The following MON2 variants were observed in gnomAD, a reference collection of about 807,000 sequenced individuals.
MON2 encodes the protein MON2 regulator of endosome-to-Golgi trafficking, also known as protein MON2 homolog.
In MON2, 84 loss-of-function variants were observed where a neutral mutation model predicts 208.6. The observed-to-expected ratio is 0.40, with a 90% CI of 0.34 to 0.48. The LOEUF (loss-of-function observed/expected upper bound fraction) is 0.48. Ranked by LOEUF, MON2 falls within the 20% of genes least tolerant of loss-of-function variation. MON2 has a pLI of 0.59. For missense variants in MON2, 1,611 were observed against 2,015.4 expected (o/e 0.80, Z 3.84); for synonymous variants, 660 against 694.0 (o/e 0.95, Z 0.77).
At chr12:62,560,300 T>C (rs1213829393) in intron 25 of MON2, 191 bp from the exon 26 acceptor site, 4 of 533,984 alleles carry the variant, frequency 7.5e-6, no homozygotes, top group African/African-American at 5.9e-5. Context: ...TCTGAAAAAT[T>C]TTTTTACTGA....
At position 62,467,140 on chromosome 12, in the gene MON2, C is replaced by A; in HGVS notation, c.-68C>A. 1 of 1,321,456 alleles carries A rather than the reference C, an allele frequency of 7.6e-7. No homozygotes were observed. The highest frequency in any genetic ancestry group is 1.2e-5 in the South Asian group (1 of 82,436). 81.9% of individuals were successfully genotyped at this position (1,321,456 alleles called of 1,614,324 possible). A position where few individuals can be genotyped will look rare whatever the true frequency, so the allele number is the denominator to read the frequency against. ...GACACCGGGAGGGAGCTGCCTGTGG[C>A]CCTAAGGAGCTGACCGTGCCAGAGC... is the stretch of plus-strand genomic sequence containing the variant. On this transcript the variant is annotated 5_prime_UTR_variant, in exon 1 of 35. Coordinates refer to ENST00000393630, the MANE Select transcript of MON2 (RefSeq NM_015026.3).
In MON2 at chr12:62,538,101, T is replaced by G; in HGVS notation, c.2124T>G (p.Leu708=). The G allele has an allele frequency of 6.2e-7, 1 of 1,613,308 alleles. No homozygotes were observed. Among genetic ancestry groups the G allele is most frequent in the Non-Finnish European group, 8.5e-7 (1 of 1,179,484 alleles). ...WQLVLATLQH[L]VWILGLKPSS... ...ATTTTTTTTTAATTTTACAGCATCT[T>G]GTGTGGATTCTGGGATTAAAGCCTA... The change falls in exon 17 of 35, where the codon CTT becomes CTG. Residue 708 remains leucine (L), a synonymous_variant. Coordinates refer to ENST00000393630, the MANE Select transcript of MON2 (RefSeq NM_015026.3).
chr12:62,539,779 G>A (rs1002768246), intron 19 of MON2, among the ~76,000 whole-genome samples: 1 of 151,976 alleles, frequency 6.6e-6, no homozygotes, highest in Non-Finnish European at 1.5e-5. Context: ...CACTGCAGGA[G>A]GCCGAGGCAG....
chr12:62,562,033 C>A (rs932826879), intron 26 of MON2, among the ~76,000 whole-genome samples: 7 of 152,084 alleles, frequency 4.6e-5, no homozygotes, highest in African/African-American at 1.4e-4. Context: ...AAAAAAGAAT[C>A]TGGCATTTAA....
chr12:62,471,837 T>C (rs1486418702), intron 1 of MON2, among the ~76,000 whole-genome samples: 1 of 152,198 alleles, frequency 6.6e-6, no homozygotes, highest in Non-Finnish European at 1.5e-5. Context: ...GATTTCAATC[T>C]GAGAAAGGAC....
At chr12:62,486,943 T>C (rs2069833908) in intron 2 of MON2, among the ~76,000 whole-genome samples, 1 of 152,140 alleles carries the variant, frequency 6.6e-6, no homozygotes, top group East Asian at 1.9e-4. Flanking sequence ...ATACTCGGCA[T>C]AGATTTCTAG....
At position 62,467,006 on chromosome 12, in the gene MON2, G is replaced by A. The variant is rs1015647992; in HGVS notation, c.-202G>A. The stretch of plus-strand genomic sequence containing the variant: ...TAGCGGGACGGTGCGACTGCGGGGG[G>A]CGCCTCCGAGAAAAGCCAGAGGTGT... On this transcript the variant is annotated 5_prime_UTR_variant, in exon 1 of 35. Coordinates refer to ENST00000393630, the MANE Select transcript of MON2 (RefSeq NM_015026.3). The A allele has an allele frequency of 5.7e-6, 3 of 522,796 alleles. No homozygotes were observed. Among genetic ancestry groups the A allele is most frequent in the Non-Finnish European group, 6.8e-6 (2 of 294,666 alleles). The allele number at this position is 522,796 out of a possible 1,614,324, so 32.4% of individuals were successfully genotyped here. A position where few individuals can be genotyped will look rare whatever the true frequency, so the allele number is the denominator to read the frequency against.
In MON2 at chr12:62,501,651, G is replaced by T. The variant is rs770967560; in HGVS notation, c.742G>T (p.Glu248Ter). ...AGAAATGACTCGGACGTTTGGCCTC[G>T]AATTACTTGAGTCAGTCCTCAATGA... is the stretch of plus-strand genomic sequence containing the variant. ...MTEMTRTFGL[E>*]LLESVLNDFP... The change falls in exon 7 of 35, where the codon GAA becomes TAA. Residue 248 changes from glutamate (E) to a stop codon, truncating the protein, a stop_gained. Coordinates refer to ENST00000393630, the MANE Select transcript of MON2 (RefSeq NM_015026.3). LOFTEE classifies it high-confidence loss of function. 1 of 1,614,134 alleles carries T rather than the reference G, an allele frequency of 6.2e-7. No individual in the cohort carries two copies. The highest frequency in any genetic ancestry group is 8.5e-7 in the Non-Finnish European group (1 of 1,180,002).
At position 62,585,455 on chromosome 12, in the gene MON2, C is replaced by T. The variant is rs375029048; in HGVS notation, c.4861C>T (p.Arg1621Cys). The T allele has an allele frequency of 2.9e-5, 46 of 1,613,098 alleles. No homozygotes were observed. The highest frequency in any genetic ancestry group is 3.3e-5 in the Non-Finnish European group (39 of 1,179,310). ...LLKRSQDVLH[R>C]YIEDERLSGK... ...AAAGAGGTCCCAAGATGTACTACAT[C>T]GCTATATAGAGGATGAAAGATTAAG... The change falls in exon 33 of 35, where the codon CGC becomes TGC. Residue 1621 changes from arginine (R) to cysteine (C), a missense_variant. Coordinates refer to ENST00000393630, the MANE Select transcript of MON2 (RefSeq NM_015026.3).
At chr12:62,516,469 C>A (rs1399636870) in intron 8 of MON2, among the ~76,000 whole-genome samples, 1 of 152,074 alleles carries the variant, frequency 6.6e-6, no homozygotes, top group Non-Finnish European at 1.5e-5. Context: ...CTTTGGGAGG[C>A]CAAGGCGGCC....
At chr12:62,533,854 A>G (rs2072778071) in intron 12 of MON2, among the ~76,000 whole-genome samples, 1 of 152,156 alleles carries the variant, frequency 6.6e-6, no homozygotes, top group Admixed American at 6.5e-5. Flanking sequence ...ATGACATCAC[A>G]CTAGTTTCTT....
chr12:62,538,063 G>T lies in MON2; in HGVS notation c.2119-33G>T, dbSNP rs748532248. 2.6e-6 allele frequency: 4 copies of T among 1,549,084 alleles called. No homozygotes were observed. In the African/African-American group the frequency reaches 6.1e-5, roughly 24 times the overall value. ...ATTGGACCTTTTATACTTTTGTAAA[G>T]TTATTTGTTTTGATTTTTTTTTAAT... On this transcript the variant is annotated intron_variant, in intron 16 of 34. Coordinates refer to ENST00000393630, the MANE Select transcript of MON2 (RefSeq NM_015026.3).
intron 14 of MON2, among the ~76,000 whole-genome samples, chr12:62,536,693 TG>T (rs1565658956): frequency 6.6e-6 from 1 of 150,586 alleles, no homozygotes; most frequent in Admixed American, 6.6e-5. Flanking sequence ...TGTGTTTTTT[TG>T]TTTTTTTTTT....
chr12:62,560,176 A>G (rs1214021371), intron 25 of MON2: 1 of 209,360 alleles, frequency 4.8e-6, no homozygotes, highest in Non-Finnish European at 9.5e-6. Flanking sequence ...TGAATTGTAT[A>G]GTGGTGAAGT....
At chr12:62,585,570 T>A in intron 33 of MON2, 69 bp downstream of exon 33, 2 of 1,275,124 alleles carry the variant, frequency 1.6e-6, no homozygotes, top group Non-Finnish European at 2.1e-6. Flanking sequence ...AGGAAAACTC[T>A]GAAAAGCAAG....
intron 5 of MON2, 72 bp from the exon 6 acceptor site, chr12:62,500,711 T>C: frequency 1.5e-6 from 1 of 687,866 alleles, no homozygotes; most frequent in Non-Finnish European, 2.4e-6. Flanking sequence ...TTAAACATTA[T>C]CTTTTAAACA....
Position 62,535,578 on chromosome 12 carries a change from C to T in MON2, c.1769C>T (p.Ala590Val). The T allele has an allele frequency of 6.2e-7, 1 of 1,613,596 alleles. No individual in the cohort carries two copies. The highest frequency in any genetic ancestry group is 1.7e-5 in the Admixed American group (1 of 59,922). The stretch of plus-strand genomic sequence containing the variant: ...TTAAAAGCTGAACTGACTATGGCTG[C>T]TCTTTGTGGAAGACTGGGCCTTGTA... ...NILKAELTMA[A>V]LCGRLGLVTS... Residue 590 changes from alanine (A) to valine (V), a missense_variant, in exon 14 of 35, where the codon GCT (alanine) becomes GTT (valine). Coordinates refer to ENST00000393630, the MANE Select transcript of MON2 (RefSeq NM_015026.3).
chr12:62,597,583 A>G lies in MON2; in HGVS notation c.*4834A>G, dbSNP rs974608137. The G allele has an allele frequency of 1.3e-5, 2 of 152,232 alleles. No individual in the cohort carries two copies. The highest frequency in any genetic ancestry group is 4.8e-5 in the African/African-American group (2 of 41,464). The allele number at this position is 152,232 out of a possible 1,614,324, so 9.4% of individuals were successfully genotyped here. ...CTAAAAATAAAAAAAAATTGTGACT[A>G]TAACTCCTACTGTCTTTATGAATAC... On this transcript the variant is annotated 3_prime_UTR_variant, in exon 35 of 35. Transcript: ENST00000393630.
intron 8 of MON2, among the ~76,000 whole-genome samples, chr12:62,514,410 A>G (rs753223799): frequency 2.0e-5 from 3 of 152,248 alleles, no homozygotes; most frequent in Non-Finnish European, 2.9e-5. Context: ...TACAAAATAA[A>G]GAAGATTAGT....
Sources: gnomAD v4.1 joint callset for allele counts (sites outside exome capture counted in the v4.1 genomes callset) on GRCh38, gnomAD v4.1.1 for gene constraint, MANE v1.5 for transcripts, NCBI Gene and HGNC (gene_info 2026-07-23, HGNC 2026-07-21) for gene names.